The following DTWD2 variants were observed in gnomAD, a reference collection of about 807,000 sequenced individuals.
The protein encoded by DTWD2 is DTW motif tRNA-uridine aminocarboxypropyltransferase 2.
A neutral mutation model predicts 31.8 loss-of-function variants in DTWD2; 39 were observed. That is an observed-to-expected ratio of 1.22 (90% CI 0.95 to 1.60). The LOEUF (loss-of-function observed/expected upper bound fraction) is 1.60. Ranked by LOEUF, DTWD2 falls within the 40% of genes most tolerant of loss-of-function variation. The pLI, the probability that DTWD2 is intolerant of heterozygous loss-of-function variation, is 0.00. For synonymous variants in DTWD2, 180 were observed against 142.8 expected, an observed-to-expected ratio of 1.26 and a Z score of -1.86; for missense variants, 515 against 381.5, an observed-to-expected ratio of 1.35 and a Z score of -2.92.
chr5:118,901,281 C>A (rs200432021), intron 4 of DTWD2, among the ~76,000 whole-genome samples: 1 of 152,110 alleles, frequency 6.6e-6, no homozygotes, highest in East Asian at 1.9e-4. Context: ...ATTCCAAACA[C>A]ACATAAGTGT....
Position 118,870,162 on chromosome 5 carries a change from T to G in DTWD2, c.598-21944A>C, listed in dbSNP as rs575776478. Reference sequence around the variant, plus strand: ...GAGCTAAATAAATCTCTTTTCTTTATAAATTACCCAGCCTTAGGTATTCCA... The same window carrying G: ...GAGCTAAATAAATCTCTTTTCTTTAGAAATTACCCAGCCTTAGGTATTCCA... On this transcript the variant is annotated intron_variant, in intron 4 of 5. Coordinates refer to ENST00000510708, the MANE Select transcript of DTWD2 (RefSeq NM_173666.4). Among the ~76,000 whole-genome samples the G allele has an allele frequency of 5.8e-4, 89 of 152,322 alleles. 1 individual carries two copies. The highest frequency in any genetic ancestry group is 1.3e-3 in the Admixed American group (20 of 15,306).
At chr5:118,909,016 C>A (rs1273854837) in intron 4 of DTWD2, among the ~76,000 whole-genome samples, 1 of 152,178 alleles carries the variant, frequency 6.6e-6, no homozygotes, top group Admixed American at 6.5e-5. Context: ...ATGAAGCCAA[C>A]GGTGCTTAGC....
intron 1 of DTWD2, among the ~76,000 whole-genome samples, chr5:118,949,329 A>T (rs1754407679): frequency 6.6e-6 from 1 of 152,142 alleles, no homozygotes. Context: ...AGTGAAAGCA[A>T]AGAGAGGCTG....
At chr5:118,972,570 T>C (rs948328264) in intron 1 of DTWD2, among the ~76,000 whole-genome samples, 2 of 152,206 alleles carry the variant, frequency 1.3e-5, no homozygotes, top group Non-Finnish European at 2.9e-5. Flanking sequence ...GTACCATTTC[T>C]ACTGAAACTA....
chr5:118,918,484 AAAG>A (rs959193458), intron 4 of DTWD2, among the ~76,000 whole-genome samples: 21 of 152,286 alleles, frequency 1.4e-4, no homozygotes, highest in African/African-American at 5.1e-4. Context: ...AAAAAAAAAA[AAAG>A]AACAGGGCTT....
intron 1 of DTWD2, among the ~76,000 whole-genome samples, chr5:118,985,266 T>A (rs963592265): frequency 6.6e-6 from 1 of 151,992 alleles, no homozygotes; most frequent in Non-Finnish European, 1.5e-5. Flanking sequence ...CCCTAATTAA[T>A]CCTAAATATT....
chr5:118,865,764 C>T (rs934716814), intron 4 of DTWD2, among the ~76,000 whole-genome samples: 1 of 152,088 alleles, frequency 6.6e-6, no homozygotes, highest in African/African-American at 2.4e-5. Context: ...AATAAACACT[C>T]CAAAAATGGA....
intron 1 of DTWD2, among the ~76,000 whole-genome samples, chr5:118,962,163 G>A (rs1754721369): frequency 6.6e-6 from 1 of 152,034 alleles, no homozygotes. Flanking sequence ...GCTTGAACCT[G>A]GGAGGCAGAG....
Position 118,838,531 on chromosome 5 carries a change from T to A in DTWD2, c.*2386A>T, listed in dbSNP as rs1171788397. On this transcript the variant is annotated 3_prime_UTR_variant, in exon 6 of 6. Coordinates refer to ENST00000510708, the MANE Select transcript of DTWD2 (RefSeq NM_173666.4). Reference sequence around the variant, plus strand: ...ACTTGAGAACTTTTAGTAATTAAAATAATGGCTTTTAAAACTTACTTACAA... The same window carrying A: ...ACTTGAGAACTTTTAGTAATTAAAAAAATGGCTTTTAAAACTTACTTACAA... The A allele has an allele frequency of 6.6e-6, 1 of 152,048 alleles. No individual in the cohort carries two copies. The highest frequency in any genetic ancestry group is 1.5e-5 in the Non-Finnish European group (1 of 68,030). The allele number at this position is 152,048 out of a possible 1,614,324, so 9.4% of individuals were successfully genotyped here.
At chr5:118,922,999 G>C (rs981996228) in intron 4 of DTWD2, among the ~76,000 whole-genome samples, 1 of 151,516 alleles carries the variant, frequency 6.6e-6, no homozygotes, top group Non-Finnish European at 1.5e-5. Flanking sequence ...CCAGCACATT[G>C]CCTGGTATAT....
In DTWD2 at chr5:118,953,310, T is replaced by G. The variant is rs575153908; in HGVS notation, c.219-8661A>C. 2.6e-5 allele frequency among the ~76,000 whole-genome samples: 4 copies of G among 152,320 alleles called. No individual in the cohort carries two copies. In the South Asian group the frequency reaches 8.3e-4, roughly 32 times the overall value. ...TGACTTGAATTCATTCGTATCTACA[T>G]CCTGCCCACTTACCCATTCCTGTCT... On this transcript the variant is annotated intron_variant, in intron 1 of 5. Transcript: ENST00000510708.
At chr5:118,919,213 G>A (rs536226824) in intron 4 of DTWD2, among the ~76,000 whole-genome samples, 16 of 152,352 alleles carry the variant, frequency 1.1e-4, no homozygotes, top group Middle Eastern at 3.4e-3. Context: ...TCATCTGCTG[G>A]TGCAAGAGTT....
At chr5:118,916,902 G>A (rs892237771) in intron 4 of DTWD2, among the ~76,000 whole-genome samples, 1 of 151,938 alleles carries the variant, frequency 6.6e-6, no homozygotes, top group Non-Finnish European at 1.5e-5. Context: ...AAGATCCAGA[G>A]GAATACCTGC....
chr5:118,955,165 T>A (rs1485400786), intron 1 of DTWD2, among the ~76,000 whole-genome samples: 2 of 152,264 alleles, frequency 1.3e-5, no homozygotes, highest in African/African-American at 4.8e-5. Context: ...TGATTTTATA[T>A]GCTCACAAAA....
chr5:118,931,495 AGGCAT>A (rs918951337), intron 3 of DTWD2, among the ~76,000 whole-genome samples: 28 of 152,264 alleles, frequency 1.8e-4, no homozygotes, highest in South Asian at 1.2e-3. Flanking sequence ...GGATGAAGAA[AGGCAT>A]TACATAATAA....
chr5:118,893,205 T>A (rs886760198), intron 4 of DTWD2, among the ~76,000 whole-genome samples: 5 of 151,836 alleles, frequency 3.3e-5, no homozygotes, highest in African/African-American at 1.2e-4. Flanking sequence ...TGAAACCCTG[T>A]CTCTACTAAA....
At chr5:118,888,693 A>G (rs1009343600) in intron 4 of DTWD2, among the ~76,000 whole-genome samples, 1 of 152,210 alleles carries the variant, frequency 6.6e-6, no homozygotes, top group South Asian at 2.1e-4. Flanking sequence ...TACGTTTCAG[A>G]GTGATACTAT....
At chr5:118,869,881 G>A (rs1752464136) in intron 4 of DTWD2, among the ~76,000 whole-genome samples, 1 of 152,144 alleles carries the variant, frequency 6.6e-6, no homozygotes, top group Non-Finnish European at 1.5e-5. Flanking sequence ...CTTGTAAGAG[G>A]TGTTGGATCA....
intron 4 of DTWD2, among the ~76,000 whole-genome samples, chr5:118,873,111 AG>A (rs1752543138): frequency 6.6e-6 from 1 of 152,198 alleles, no homozygotes. Context: ...CCCTGGCAGA[AG>A]GGGACCCCTT....
Sources: gnomAD v4.1 joint callset for allele counts (sites outside exome capture counted in the v4.1 genomes callset) on GRCh38, gnomAD v4.1.1 for gene constraint, MANE v1.5 for transcripts, NCBI Gene and HGNC (gene_info 2026-07-23, HGNC 2026-07-21) for gene names.